Variants in DNPEP observed in about 807,000 individuals in gnomAD.
DNPEP encodes the protein aspartyl aminopeptidase.
In DNPEP, 46 loss-of-function variants were observed where a neutral mutation model predicts 59.1. That is an observed-to-expected ratio of 0.78 (90% CI 0.61 to 0.99). DNPEP has a LOEUF of 0.99. Ranked by LOEUF, DNPEP falls within the 50% of genes least tolerant of loss-of-function variation. The pLI is 0.00. For missense variants in DNPEP, 617 were observed against 649.9 expected (o/e 0.95, Z 0.55); for synonymous variants, 229 against 242.2 (o/e 0.95, Z 0.50).
At chr2:219,380,829 C>A (rs148889696) in intron 13 of DNPEP, among the ~76,000 whole-genome samples, 10 of 13,706 alleles carry the variant, frequency 7.3e-4, no homozygotes, top group Non-Finnish European at 2.5e-3. Context: ...TACATGTATA[C>A]AACATATATA....
At chr2:219,399,224 C>T (rs1954147254) in intron 1 of DNPEP, among the ~76,000 whole-genome samples, 1 of 152,194 alleles carries the variant, frequency 6.6e-6, no homozygotes, top group African/African-American at 2.4e-5. Flanking sequence ...TGACTCCTTT[C>T]CAAGCTGACA....
Position 219,382,002 on chromosome 2 carries a change from G to C in DNPEP, c.1074C>G (p.Ala358=). ...PKSFMISADM[A]HAVHPNYLDK... ...ACAGGTAGTTGGGATGCACAGCATG[G>C]GCCATGTCTGCGCTGATCATGAAGG... Residue 358 remains alanine (A), a synonymous_variant, in exon 11 of 15, where the codon GCC becomes GCG. Coordinates refer to ENST00000273075, the MANE Select transcript of DNPEP (RefSeq NM_012100.4). 1 of 1,614,206 alleles carries C rather than the reference G, an allele frequency of 6.2e-7. No individual in the cohort carries two copies.
intron 7 of DNPEP, 28 bp downstream of exon 7, chr2:219,385,603 C>A: frequency 6.2e-7 from 1 of 1,610,412 alleles, no homozygotes; most frequent in Non-Finnish European, 8.5e-7. Flanking sequence ...ACTCTGCCGC[C>A]CTCCCCATGA....
At chr2:219,374,715 T>G in intron 14 of DNPEP, 140 bp downstream of exon 14, 1 of 1,041,052 alleles carries the variant, frequency 9.6e-7, no homozygotes, top group Non-Finnish European at 1.4e-6. Flanking sequence ...ACCCTTGTTT[T>G]CCTACATGGC....
upstream of DNPEP, among the ~76,000 whole-genome samples, chr2:219,392,745 G>T (rs1954038407): frequency 6.6e-6 from 1 of 152,044 alleles, no homozygotes; most frequent in South Asian, 2.1e-4. Flanking sequence ...CCTGACCTCA[G>T]GTGATCCACC....
At chr2:219,380,107 C>T (rs1574975522) in intron 13 of DNPEP, among the ~76,000 whole-genome samples, 1 of 151,930 alleles carries the variant, frequency 6.6e-6, no homozygotes, top group Non-Finnish European at 1.5e-5. Context: ...AGGGCAACTT[C>T]GAGTGCCGTA....
upstream of DNPEP, chr2:219,388,946 C>T: frequency 1.1e-6 from 1 of 894,650 alleles, no homozygotes. Context: ...AGGTAATAAA[C>T]GGCACAGGTG....
rs1953623427 is a variant in DNPEP, at chr2:219,382,041, T to C, written c.1035A>G (p.Glu345=). ...ASCQHPTAFE[E]AIPKSFMISA... ...TGATCATGAAGGACTTGGGTATGGC[T>C]TCCTCGAAGGCTGTCGGGTGCTGGC... Residue 345 remains glutamate (E), a synonymous_variant, in exon 11 of 15, where the codon GAA becomes GAG. Coordinates refer to ENST00000273075, the MANE Select transcript of DNPEP (RefSeq NM_012100.4). 6.2e-7 allele frequency: 1 copy of C among 1,614,198 alleles called. No homozygotes were observed. Among genetic ancestry groups the C allele is most frequent in the Non-Finnish European group, 8.5e-7 (1 of 1,180,048 alleles).
At position 219,383,167 on chromosome 2, in the gene DNPEP, A is replaced by T. The variant is rs1392634297; in HGVS notation, c.900T>A (p.Pro300=). 1.9e-6 allele frequency: 3 copies of T among 1,614,066 alleles called. No individual in the cohort carries two copies. The African/African-American group carries it at 4.0e-5, about 22-fold the overall frequency. ...CATAGAGTGTGACCATGCGCACGTGAGGCTCTGTGGCCAGGGAGCCAGGGC... is the reference window on the plus strand; with the variant it reads ...CATAGAGTGTGACCATGCGCACGTGTGGCTCTGTGGCCAGGGAGCCAGGGC... ...CAGPGSLATE[P]HVRMVTLYDN... Residue 300 remains proline, a synonymous_variant, in exon 10 of 15, where the codon CCT becomes CCA. Coordinates refer to ENST00000273075, the MANE Select transcript of DNPEP (RefSeq NM_012100.4).
At position 219,372,112 on chromosome 2, in the gene DNPEP, GAATA is replaced by G. The variant is rs1021336402; in HGVS notation, c.*2176_*2179del. On this transcript the variant is annotated 3_prime_UTR_variant, in exon 15 of 15. Transcript: ENST00000273075. ...CTTAAATGACCATTATTAACAGACT[GAATA>G]AATAATGACCATCTATACAATAAAA... Among the ~76,000 whole-genome samples, 25 of 152,154 alleles carry G rather than the reference GAATA, an allele frequency of 1.6e-4. No homozygotes were observed. The highest frequency in any genetic ancestry group is 2.9e-5 in the Non-Finnish European group (2 of 68,042).
At position 219,385,445 on chromosome 2, in the gene DNPEP, G is replaced by A. The variant is rs202237420; in HGVS notation, c.753C>T (p.Cys251=). The change falls in exon 8 of 15, where the codon TGC becomes TGT. Residue 251 remains cysteine (C), a synonymous_variant. Transcript: ENST00000273075. ...SPKDIVEMEL[C]LADTQPAVLG... is the part of the protein sequence containing the mutation. ...TCACCGCAGGCTGGGTGTCTGCAAG[G>A]CAGAGCTCCATCTCCACTATGTCCT... The A allele has an allele frequency of 6.2e-7, 1 of 1,610,902 alleles. No individual in the cohort carries two copies. The highest frequency in any genetic ancestry group is 8.5e-7 in the Non-Finnish European group (1 of 1,177,342).
At position 219,385,539 on chromosome 2, in the gene DNPEP, G is replaced by A; in HGVS notation, c.667-8C>T. On this transcript the variant is annotated splice_region_variant and splice_polypyrimidine_tract_variant and intron_variant, in intron 7 of 14. Coordinates refer to ENST00000273075, the MANE Select transcript of DNPEP (RefSeq NM_012100.4). Reference sequence around the variant, plus strand: ...CGAATGGTGCCGCTCATCCTGAAGAGCAGAAAGATGCTGGGAAGAGTCCAT... The same window carrying A: ...CGAATGGTGCCGCTCATCCTGAAGAACAGAAAGATGCTGGGAAGAGTCCAT... The A allele has an allele frequency of 6.2e-7, 1 of 1,605,048 alleles. No homozygotes were observed.
intron 11 of DNPEP, 192 bp from the exon 12 acceptor site, chr2:219,381,776 G>T: frequency 2.3e-6 from 2 of 853,848 alleles, no homozygotes; most frequent in South Asian, 1.6e-5. Context: ...TGTAGACAAA[G>T]GTGTATTCCA....
chr2:219,393,079 T>G (rs1211696562), upstream of DNPEP, among the ~76,000 whole-genome samples: 2 of 152,210 alleles, frequency 1.3e-5, no homozygotes, highest in African/African-American at 4.8e-5. Flanking sequence ...GTCTTTTGGC[T>G]TCCCTGGGCC....
In DNPEP at chr2:219,382,886, G is replaced by A. The variant is rs1242392030; in HGVS notation, c.936+245C>T. 2.0e-5 allele frequency among the ~76,000 whole-genome samples: 3 copies of A among 152,214 alleles called. No homozygotes were observed. In the East Asian group the frequency reaches 5.8e-4, roughly 29 times the overall value. On this transcript the variant is annotated intron_variant, in intron 10 of 14. Coordinates refer to ENST00000273075, the MANE Select transcript of DNPEP (RefSeq NM_012100.4). ...TGGGGCTACGAGGATGGGCTGGGTA[G>A]AGTCCCTGTCCTAAAGGAAGAAGCT...
chr2:219,387,608 CG>C, intron 1 of DNPEP, 150 bp downstream of exon 1: 1 of 1,536,114 alleles, frequency 6.5e-7, no homozygotes, highest in Admixed American at 2.0e-5. Flanking sequence ...CTTCCAGTCC[CG>C]GGAAAGTCGT....
At position 219,374,361 on chromosome 2, in the gene DNPEP, T is replaced by C. The variant is rs1416948405; in HGVS notation, c.1408-19A>G. 3 of 1,612,592 alleles carry C rather than the reference T, an allele frequency of 1.9e-6. No homozygotes were observed. The South Asian group carries it at 3.3e-5, about 18-fold the overall frequency. ...AGAAGCCCTATAATGGGAGGCAACA[T>C]GGAGTTTGGAATTAGTGAGTGACCA... On this transcript the variant is annotated intron_variant, in intron 14 of 14. Transcript: ENST00000273075.
Position 219,381,980 on chromosome 2 carries a change from G to A in DNPEP, c.1096C>T (p.Leu366=). The A allele has an allele frequency of 6.2e-7, 1 of 1,614,174 alleles. No individual in the cohort carries two copies. The highest frequency in any genetic ancestry group is 1.1e-5 in the South Asian group (1 of 91,084). ...DMAHAVHPNY[L]DKHEENHRPL... ...GTGTGACTGGCACTAGAGACTCACA[G>A]GTAGTTGGGATGCACAGCATGGGCC... Residue 366 remains leucine (L), a splice_region_variant and synonymous_variant, in exon 11 of 15, where the codon CTG becomes TTG. Coordinates refer to ENST00000273075, the MANE Select transcript of DNPEP (RefSeq NM_012100.4).
Position 219,387,803 on chromosome 2 carries a change from C to T in DNPEP, c.-9G>A, listed in dbSNP as rs766048535. ...GGGCTGTGTCCGCTCATCTGGCCTCCGGGCTCGGCCCGCCCCCACCGCGCC... is the reference window on the plus strand; with the variant it reads ...GGGCTGTGTCCGCTCATCTGGCCTCTGGGCTCGGCCCGCCCCCACCGCGCC... On this transcript the variant is annotated 5_prime_UTR_variant, in exon 1 of 15. Transcript: ENST00000273075. 1.9e-6 allele frequency: 3 copies of T among 1,583,504 alleles called. No individual in the cohort carries two copies. The highest frequency in any genetic ancestry group is 2.6e-6 in the Non-Finnish European group (3 of 1,166,952).
Sources: gnomAD v4.1 joint callset for allele counts (sites outside exome capture counted in the v4.1 genomes callset) on GRCh38, gnomAD v4.1.1 for gene constraint, MANE v1.5 for transcripts, NCBI Gene and HGNC (gene_info 2026-07-23, HGNC 2026-07-21) for gene names.